Variants in CREB1 observed in about 807,000 individuals in gnomAD.
CREB1 encodes cyclic AMP-responsive element-binding protein 1.
CREB1 carries 2 observed loss-of-function variants against 42.0 expected under a neutral mutation model. The ratio of observed to expected loss-of-function variants is 0.05; its 90% confidence interval spans 0.02 to 0.15. CREB1 has a LOEUF of 0.15. CREB1 is among the 10% of genes least tolerant of loss of function. The pLI is 1.00. For missense variants in CREB1, 199 were observed against 388.9 expected (o/e 0.51, Z 4.11); for synonymous variants, 123 against 139.9 (o/e 0.88, Z 0.85).
rs781311595 is a variant in CREB1 at position 207,567,480 on chromosome 2, A to G, written c.279A>G (p.Glu93=). ...AATTTCAGATTTCAACTATTGCAGA[A>G]AGTGAAGATTCACAGGAGTCAGTGG... The part of the protein sequence containing the change: ...VQTVQISTIA[E]SEDSQESVDS... Residue 93 remains glutamate (E), a synonymous_variant, in exon 4 of 8, where the codon GAA becomes GAG. Coordinates refer to ENST00000353267, the MANE Select transcript of CREB1 (RefSeq NM_004379.5). The G allele has an allele frequency of 7.5e-6, 12 of 1,609,520 alleles. No individual in the cohort carries two copies. In the South Asian group the frequency reaches 1.1e-4, roughly 15 times the overall value.
intron 1 of CREB1, among the ~76,000 whole-genome samples, chr2:207,547,466 CTG>C (rs2081340637): frequency 1.3e-5 from 2 of 152,098 alleles, no homozygotes; most frequent in African/African-American, 2.4e-5. Context: ...GTCAAAGTAA[CTG>C]TATGTAGGAA....
intron 5 of CREB1, 70 bp downstream of exon 5, chr2:207,570,391 T>C: frequency 2.1e-6 from 3 of 1,437,450 alleles, no homozygotes; most frequent in Non-Finnish European, 2.8e-6. Context: ...AATAGTTGCA[T>C]TCTCTTCAGA....
chr2:207,563,021 A>G (rs1483351342), intron 3 of CREB1, among the ~76,000 whole-genome samples: 1 of 152,196 alleles, frequency 6.6e-6, no homozygotes, highest in Non-Finnish European at 1.5e-5. Context: ...GTGTCAGGTT[A>G]GGAGAATTAA....
intron 7 of CREB1, 39 bp downstream of exon 7, chr2:207,577,694 G>A: frequency 6.2e-7 from 1 of 1,607,732 alleles, no homozygotes; most frequent in Non-Finnish European, 8.5e-7. Context: ...TATGTGTTAA[G>A]TGTGTCTTCA....
intron 1 of CREB1, among the ~76,000 whole-genome samples, chr2:207,553,170 G>A (rs1199322652): frequency 7.0e-6 from 1 of 143,236 alleles, no homozygotes; most frequent in Non-Finnish European, 1.5e-5. Context: ...CTGGGTTCAA[G>A]CAATTCTCCT....
intron 1 of CREB1, among the ~76,000 whole-genome samples, chr2:207,535,948 G>A (rs2080854231): frequency 6.6e-6 from 1 of 151,894 alleles, no homozygotes; most frequent in Non-Finnish European, 1.5e-5. Flanking sequence ...AGCTTCCTGA[G>A]TGAGTGGGAC....
intron 3 of CREB1, among the ~76,000 whole-genome samples, chr2:207,566,884 ATTC>A (rs2082160884): frequency 6.6e-6 from 1 of 152,152 alleles, no homozygotes; most frequent in African/African-American, 2.4e-5. Flanking sequence ...CAGTCTAGGT[ATTC>A]TTATCAGAAA....
chr2:207,531,134 T>C (rs2080605814), intron 1 of CREB1, among the ~76,000 whole-genome samples: 1 of 152,196 alleles, frequency 6.6e-6, no homozygotes. Flanking sequence ...AAGGTAATCA[T>C]CACTTGAGAT....
chr2:207,598,973 T>C lies in CREB1; in HGVS notation c.*1915T>C, dbSNP rs2086624980. The C allele has an allele frequency of 5.4e-6, 1 of 185,480 alleles. No individual in the cohort carries two copies. 11.5% of individuals were successfully genotyped at this position (185,480 alleles called of 1,614,324 possible). A position where few individuals can be genotyped will look rare whatever the true frequency, so the allele number is the denominator to read the frequency against. ...AAGTCAAGCTTGTTTAACAACAAAA[T>C]ATGAAGATTTAAGTGTTAATTGCTG... On this transcript the variant is annotated 3_prime_UTR_variant, in exon 8 of 8. Transcript: ENST00000353267.
intron 2 of CREB1, among the ~76,000 whole-genome samples, chr2:207,559,570 T>A (rs1462124611): frequency 1.3e-5 from 2 of 152,306 alleles, no homozygotes; most frequent in African/African-American, 4.8e-5. Context: ...TATCCTTGAA[T>A]GTGTTCAAGC....
At chr2:207,535,687 C>T (rs1400955067) in intron 1 of CREB1, among the ~76,000 whole-genome samples, 1 of 151,844 alleles carries the variant, frequency 6.6e-6, no homozygotes, top group African/African-American at 2.4e-5. Context: ...AACCTTTGGT[C>T]AACCAGTTGG....
In CREB1 at chr2:207,600,240, T is replaced by TATAC. The variant is rs1553513607; in HGVS notation, c.*3185_*3186insCATA. 2 of 41,592 alleles carry TATAC rather than the reference T, an allele frequency of 4.8e-5. No homozygotes were observed. The highest frequency in any genetic ancestry group is 2.2e-4 in the African/African-American group (2 of 9,024). The allele number at this position is 41,592 out of a possible 1,614,324, so 2.6% of individuals were successfully genotyped here. On this transcript the variant is annotated 3_prime_UTR_variant, in exon 8 of 8. Coordinates refer to ENST00000353267, the MANE Select transcript of CREB1 (RefSeq NM_004379.5). ...GGCATTTGTATAATATATGTGTACA[T>TATAC]ATATATATATATATATATATATACA...
chr2:207,560,514 A>T (rs1223293390), intron 3 of CREB1, 142 bp downstream of exon 3: 2 of 709,180 alleles, frequency 2.8e-6, no homozygotes, highest in Admixed American at 3.1e-5. Flanking sequence ...GCATCTGTAT[A>T]GTCACCTTAT....
At chr2:207,555,175 G>A (rs908978790) in intron 1 of CREB1, among the ~76,000 whole-genome samples, 1 of 152,106 alleles carries the variant, frequency 6.6e-6, no homozygotes, top group Admixed American at 6.6e-5. Flanking sequence ...CTTATGGGGG[G>A]AAATACCCTT....
At chr2:207,534,314 G>A (rs1200419259) in intron 1 of CREB1, among the ~76,000 whole-genome samples, 6 of 152,060 alleles carry the variant, frequency 3.9e-5, no homozygotes, top group Non-Finnish European at 7.4e-5. Context: ...TCAGCTCACG[G>A]CAACCTCTGC....
At chr2:207,573,053 A>G (rs926241503) in intron 5 of CREB1, among the ~76,000 whole-genome samples, 11 of 152,218 alleles carry the variant, frequency 7.2e-5, no homozygotes, top group Admixed American at 5.9e-4. Flanking sequence ...TTTTTGTTTC[A>G]GTAAATAAAA....
chr2:207,539,071 C>T (rs1006115337), intron 1 of CREB1, among the ~76,000 whole-genome samples: 4 of 143,868 alleles, frequency 2.8e-5, no homozygotes, highest in Admixed American at 1.4e-4. Flanking sequence ...AGAGGAATCT[C>T]GCTCTGTCTC....
At chr2:207,565,765 G>GT (rs1239517908) in intron 3 of CREB1, among the ~76,000 whole-genome samples, 1 of 152,108 alleles carries the variant, frequency 6.6e-6, no homozygotes, top group Non-Finnish European at 1.5e-5. Flanking sequence ...TCTGAGTGGC[G>GT]TATTAATGAA....
intron 5 of CREB1, chr2:207,571,849 G>A: frequency 5.1e-6 from 2 of 389,210 alleles, no homozygotes; most frequent in Admixed American, 3.0e-5. Context: ...TCTAAAAAGG[G>A]GAAATGAAGG....
Sources: gnomAD v4.1 joint callset for allele counts (sites outside exome capture counted in the v4.1 genomes callset) on GRCh38, gnomAD v4.1.1 for gene constraint, MANE v1.5 for transcripts, NCBI Gene and HGNC (gene_info 2026-07-23, HGNC 2026-07-21) for gene names.